Variants in CACNA2D3 observed in about 807,000 individuals in gnomAD.
CACNA2D3 encodes the protein voltage-dependent calcium channel subunit alpha-2/delta-3.
A neutral mutation model predicts 160.6 loss-of-function variants in CACNA2D3; 60 were observed. The observed-to-expected ratio is 0.37, with a 90% CI of 0.30 to 0.46. The LOEUF is 0.46. Ranked by LOEUF, CACNA2D3 falls within the 20% of genes least tolerant of loss-of-function variation. CACNA2D3 has a pLI of 1.00. For synonymous variants in CACNA2D3, 558 were observed against 492.9 expected, an observed-to-expected ratio of 1.13 and a Z score of -1.75; for missense variants, 1,205 against 1,365.0, an observed-to-expected ratio of 0.88 and a Z score of 1.85.
At chr3:54,636,956 G>A (rs1699387668) in intron 10 of CACNA2D3, among the ~76,000 whole-genome samples, 1 of 151,958 alleles carries the variant, frequency 6.6e-6, no homozygotes, top group Non-Finnish European at 1.5e-5. Flanking sequence ...CAAAGGAATA[G>A]TAAAGAAAGC....
intron 2 of CACNA2D3, among the ~76,000 whole-genome samples, chr3:54,186,446 A>C (rs1700880559): frequency 6.6e-6 from 1 of 152,146 alleles, no homozygotes; most frequent in Non-Finnish European, 1.5e-5. Context: ...TATGCATGTA[A>C]AACAGAAAAG....
At chr3:54,642,657 A>G (rs867801963) in intron 11 of CACNA2D3, among the ~76,000 whole-genome samples, 21 of 152,186 alleles carry the variant, frequency 1.4e-4, no homozygotes, top group Middle Eastern at 3.4e-3. Flanking sequence ...CACGGCCCCC[A>G]TTACCACCCA....
chr3:54,751,661 C>T (rs1404865951), intron 11 of CACNA2D3, among the ~76,000 whole-genome samples: 1 of 152,130 alleles, frequency 6.6e-6, no homozygotes, highest in African/African-American at 2.4e-5. Flanking sequence ...GCAATAGGAG[C>T]ACTTGACCCA....
At chr3:54,636,386 G>A in intron 10 of CACNA2D3, among the ~76,000 whole-genome samples, 1 of 151,956 alleles carries the variant, frequency 6.6e-6, no homozygotes, top group Non-Finnish European at 1.5e-5. Flanking sequence ...GTCCGGGCCA[G>A]GAACAATGGT....
At chr3:54,968,686 A>C (rs1011137969) in intron 28 of CACNA2D3, among the ~76,000 whole-genome samples, 175 bp downstream of exon 28, 1 of 152,232 alleles carries the variant, frequency 6.6e-6, no homozygotes, top group Non-Finnish European at 1.5e-5. Flanking sequence ...TCAGCATGTT[A>C]GACACCACAT....
At chr3:54,597,214 C>G (rs561832927) in intron 9 of CACNA2D3, among the ~76,000 whole-genome samples, 177 of 152,270 alleles carry the variant, frequency 1.2e-3, no homozygotes, top group African/African-American at 4.1e-3. Context: ...GCCTCTCTGT[C>G]TACTAGCCAG....
intron 2 of CACNA2D3, among the ~76,000 whole-genome samples, chr3:54,194,843 G>A (rs1576991478): frequency 6.6e-6 from 1 of 152,092 alleles, no homozygotes; most frequent in East Asian, 1.9e-4. Context: ...ACCTCCTAAA[G>A]TACCCACCTC....
At chr3:54,652,258 C>T (rs1699782642) in intron 11 of CACNA2D3, among the ~76,000 whole-genome samples, 1 of 152,142 alleles carries the variant, frequency 6.6e-6, no homozygotes, top group African/African-American at 2.4e-5. Flanking sequence ...AAGGAGGTAG[C>T]TGTCTTAGGG....
At chr3:54,444,351 A>T (rs1430164674) in intron 4 of CACNA2D3, among the ~76,000 whole-genome samples, 1 of 152,096 alleles carries the variant, frequency 6.6e-6, no homozygotes, top group Non-Finnish European at 1.5e-5. Flanking sequence ...TTATTTCTCA[A>T]GTCTTGGTTC....
chr3:54,628,508 A>G (rs1199223481), intron 10 of CACNA2D3, among the ~76,000 whole-genome samples: 1 of 152,214 alleles, frequency 6.6e-6, no homozygotes, highest in Non-Finnish European at 1.5e-5. Flanking sequence ...AGAGAACTAC[A>G]TGGTCTTGAA....
At chr3:54,867,949 A>G (rs1359408165) in intron 17 of CACNA2D3, among the ~76,000 whole-genome samples, 2 of 151,392 alleles carry the variant, frequency 1.3e-5, no homozygotes, top group Non-Finnish European at 2.9e-5. Flanking sequence ...ATTATGCTTA[A>G]TGGGAGTGGT....
At chr3:55,038,907 T>TATATATATATATATAC (rs1553636480) in intron 35 of CACNA2D3, among the ~76,000 whole-genome samples, 1 of 113,062 alleles carries the variant, frequency 8.8e-6, no homozygotes, top group Non-Finnish European at 1.8e-5. Flanking sequence ...TATATATATA[T>TATATATATATATATAC]ACACACACTG....
intron 5 of CACNA2D3, among the ~76,000 whole-genome samples, chr3:54,524,874 T>G (rs1272165006): frequency 5.3e-5 from 8 of 152,138 alleles, no homozygotes; most frequent in African/African-American, 1.4e-4. Flanking sequence ...GCTTTTAGCC[T>G]GTTTGTATCT....
At chr3:54,937,038 A>G (rs1701345461) in intron 27 of CACNA2D3, among the ~76,000 whole-genome samples, 1 of 151,964 alleles carries the variant, frequency 6.6e-6, no homozygotes, top group African/African-American at 2.4e-5. Context: ...AGGTGGTTAG[A>G]TTTGCTGAGA....
intron 29 of CACNA2D3, among the ~76,000 whole-genome samples, chr3:54,972,639 C>T (rs886544872): frequency 6.6e-6 from 1 of 152,182 alleles, no homozygotes; most frequent in Non-Finnish European, 1.5e-5. Flanking sequence ...ACTCCAGCCC[C>T]TTTGTCTCCC....
At chr3:54,312,296 G>T (rs982591397) in intron 2 of CACNA2D3, among the ~76,000 whole-genome samples, 5 of 152,144 alleles carry the variant, frequency 3.3e-5, no homozygotes, top group Non-Finnish European at 5.9e-5. Flanking sequence ...TTCAGTTTTT[G>T]ATGAGAAAAT....
intron 35 of CACNA2D3, among the ~76,000 whole-genome samples, chr3:55,042,224 A>G (rs1273060279): frequency 6.6e-6 from 1 of 152,304 alleles, no homozygotes; most frequent in East Asian, 1.9e-4. Flanking sequence ...AATGTTTGAT[A>G]AAATCCCAAG....
intron 4 of CACNA2D3, among the ~76,000 whole-genome samples, chr3:54,436,595 G>T (rs1700063492): frequency 6.6e-6 from 1 of 152,204 alleles, no homozygotes; most frequent in African/African-American, 2.4e-5. Flanking sequence ...ATACTATGCA[G>T]CCATAAAAAA....
intron 2 of CACNA2D3, among the ~76,000 whole-genome samples, chr3:54,282,498 G>T (rs543232955): frequency 6.6e-6 from 1 of 152,312 alleles, no homozygotes; most frequent in East Asian, 1.9e-4. Context: ...CTCATGAGGG[G>T]TCAATGTACT....
Sources: gnomAD v4.1 joint callset for allele counts (sites outside exome capture counted in the v4.1 genomes callset) on GRCh38, gnomAD v4.1.1 for gene constraint, MANE v1.5 for transcripts, NCBI Gene and HGNC (gene_info 2026-07-23, HGNC 2026-07-21) for gene names.